DLG2: variants seen among roughly 807,000 people sequenced by gnomAD.
DLG2 encodes discs large MAGUK scaffold protein 2, also known as disks large homolog 2.
A neutral mutation model predicts 132.5 loss-of-function variants in DLG2; 45 were observed. The observed-to-expected ratio is 0.34, with a 90% CI of 0.27 to 0.44. The LOEUF is 0.44. Ranked by LOEUF, DLG2 falls within the 20% of genes least tolerant of loss-of-function variation. The pLI is 1.00. For missense variants in DLG2, 1,045 were observed against 1,196.9 expected, an observed-to-expected ratio of 0.87 and a Z score of 1.87; for synonymous variants, 424 against 419.6, an observed-to-expected ratio of 1.01 and a Z score of -0.13.
chr11:83,931,010 A>G (rs2080093419), intron 14 of DLG2, among the ~76,000 whole-genome samples: 1 of 152,214 alleles, frequency 6.6e-6, no homozygotes, highest in East Asian at 1.9e-4. Context: ...GGATAAAGAT[A>G]AACTGTGTTG....
At chr11:84,402,542 C>T (rs1438647053) in intron 7 of DLG2, among the ~76,000 whole-genome samples, 4 of 151,518 alleles carry the variant, frequency 2.6e-5, no homozygotes, top group African/African-American at 7.3e-5. Flanking sequence ...CATGATTAGT[C>T]CTTCATGTCA....
intron 6 of DLG2, among the ~76,000 whole-genome samples, chr11:84,648,498 G>A (rs575087484): frequency 3.9e-5 from 6 of 152,058 alleles, no homozygotes; most frequent in African/African-American, 7.2e-5. Context: ...TATTGTATCC[G>A]TTATAGTTTG....
At chr11:85,609,616 C>T (rs1045459717) in intron 2 of DLG2, among the ~76,000 whole-genome samples, 19 of 152,212 alleles carry the variant, frequency 1.2e-4, no homozygotes, top group Non-Finnish European at 4.4e-5. Flanking sequence ...CTGGAAGGTG[C>T]ACTGCCACAG....
chr11:84,166,578 T>G (rs1444233616), intron 8 of DLG2, among the ~76,000 whole-genome samples: 1 of 151,528 alleles, frequency 6.6e-6, no homozygotes, highest in Non-Finnish European at 1.5e-5. Context: ...TTGTGAAAAT[T>G]TGGTGCCTTT....
At chr11:84,627,539 G>A (rs1028319254) in intron 6 of DLG2, among the ~76,000 whole-genome samples, 39 of 152,186 alleles carry the variant, frequency 2.6e-4, no homozygotes, top group African/African-American at 9.4e-4. Flanking sequence ...GCAAAGGCTT[G>A]TACCCAAAAG....
At chr11:84,003,560 G>T (rs1344444983) in intron 11 of DLG2, among the ~76,000 whole-genome samples, 4 of 152,100 alleles carry the variant, frequency 2.6e-5, no homozygotes, top group Admixed American at 2.6e-4. Context: ...TCACAAGGTG[G>T]CAGGAAGCAG....
rs75798221 is a variant in DLG2 at position 84,889,719 on chromosome 11, G to A, written c.357+221942C>T. 2.9e-3 allele frequency among the ~76,000 whole-genome samples: 439 copies of A among 152,266 alleles called. 2 individuals carry two copies. Among genetic ancestry groups the A allele is most frequent in the African/African-American group, 0.01 (426 of 41,570 alleles). On this transcript the variant is annotated intron_variant, in intron 6 of 27. Coordinates refer to ENST00000376104, the MANE Select transcript of DLG2 (RefSeq NM_001142699.3). ...TATCAGAAAATTATAAACAGTTGAG[G>A]TCTTCCAAGGCAAAGCCCTTGTTGT...
At position 85,273,397 on chromosome 11, in the gene DLG2, A is replaced by C. The variant is rs1285610802; in HGVS notation, c.186+11823T>G. Among the ~76,000 whole-genome samples, 7 of 152,030 alleles carry C rather than the reference A, an allele frequency of 4.6e-5. No individual in the cohort carries two copies. The South Asian group carries it at 1.4e-3, about 31-fold the overall frequency. On this transcript the variant is annotated intron_variant, in intron 4 of 27. Transcript: ENST00000376104. Reference sequence around the variant, plus strand: ...ATCCAGAATCTACAAAGAACTTAAAAAAATTTACAAGAAAAAATCAAACAA... The same window carrying C: ...ATCCAGAATCTACAAAGAACTTAAACAAATTTACAAGAAAAAATCAAACAA...
At chr11:85,483,803 G>A (rs911059361) in intron 3 of DLG2, among the ~76,000 whole-genome samples, 5 of 151,344 alleles carry the variant, frequency 3.3e-5, no homozygotes, top group Admixed American at 6.6e-5. Flanking sequence ...AATTAGCCAG[G>A]CATGGTGGAG....
intron 6 of DLG2, among the ~76,000 whole-genome samples, chr11:85,081,758 A>G (rs560143656): frequency 2.0e-5 from 3 of 152,256 alleles, no homozygotes; most frequent in East Asian, 3.9e-4. Context: ...CCAATATTCC[A>G]TTATTCTTAG....
At chr11:83,484,106 A>G in intron 22 of DLG2, 23 bp downstream of exon 22, 1 of 1,595,890 alleles carries the variant, frequency 6.3e-7, no homozygotes, top group Admixed American at 1.7e-5. Flanking sequence ...TGCATGTGAC[A>G]TTATCTTTCA....
At chr11:84,947,874 T>A (rs939318642) in intron 6 of DLG2, among the ~76,000 whole-genome samples, 1 of 152,186 alleles carries the variant, frequency 6.6e-6, no homozygotes, top group Non-Finnish European at 1.5e-5. Context: ...GGTACTATGA[T>A]TTTAGGCAAT....
intron 10 of DLG2, among the ~76,000 whole-genome samples, chr11:84,091,119 CTTCT>C (rs2097085729): frequency 6.6e-6 from 1 of 152,288 alleles, no homozygotes; most frequent in South Asian, 2.1e-4. Context: ...TTTGTCTACT[CTTCT>C]TTATTTTATA....
At chr11:84,995,598 T>C (rs1300309465) in intron 6 of DLG2, among the ~76,000 whole-genome samples, 1 of 152,200 alleles carries the variant, frequency 6.6e-6, no homozygotes, top group Non-Finnish European at 1.5e-5. Flanking sequence ...CACTTACATA[T>C]AAATAAGCAT....
intron 6 of DLG2, among the ~76,000 whole-genome samples, chr11:84,812,630 A>G (rs1454628030): frequency 6.6e-6 from 1 of 152,164 alleles, no homozygotes; most frequent in Non-Finnish European, 1.5e-5. Context: ...CCTAAGTGAG[A>G]CAGAAATGAA....
At chr11:83,668,713 ATG>A (rs1371308984) in intron 18 of DLG2, among the ~76,000 whole-genome samples, 4 of 109,598 alleles carry the variant, frequency 3.6e-5, no homozygotes, top group East Asian at 2.6e-4. Flanking sequence ...ACACATATAT[ATG>A]TGTATATAAA....
chr11:84,578,267 G>A (rs1378285755), intron 6 of DLG2, among the ~76,000 whole-genome samples: 1 of 152,134 alleles, frequency 6.6e-6, no homozygotes, highest in East Asian at 1.9e-4. Flanking sequence ...CTGCCTAGTG[G>A]AGCTGTGCAA....
chr11:85,030,823 CCT>C (rs1404832670), intron 6 of DLG2, among the ~76,000 whole-genome samples: 2 of 151,630 alleles, frequency 1.3e-5, no homozygotes, highest in African/African-American at 4.8e-5. Context: ...TTTTATTGTT[CCT>C]TTTTTATTTT....
intron 5 of DLG2, among the ~76,000 whole-genome samples, chr11:85,144,101 G>T (rs1045264267): frequency 6.6e-6 from 1 of 151,694 alleles, no homozygotes; most frequent in Non-Finnish European, 1.5e-5. Flanking sequence ...ATATATATGG[G>T]TGCTCTAGTG....
Sources: allele counts gnomAD v4.1 joint callset (sites outside exome capture counted in the v4.1 genomes callset), GRCh38; gene constraint gnomAD v4.1.1; transcripts MANE v1.5; gene names NCBI Gene and HGNC (gene_info 2026-07-23, HGNC 2026-07-21).